The following KCNIP2 variants were observed in gnomAD, a reference collection of about 807,000 sequenced individuals.
The protein encoded by KCNIP2 is A-type potassium channel modulatory protein KCNIP2.
Under a neutral mutation model 39.0 loss-of-function variants are expected in KCNIP2, and 19 were observed. The observed-to-expected ratio is 0.49, with a 90% CI of 0.34 to 0.71. The LOEUF is 0.71. KCNIP2 is among the 30% of genes least tolerant of loss of function. The probability of loss-of-function intolerance (pLI) is 0.01; values close to 1 mark genes in which losing one functional copy is unlikely to be tolerated. For synonymous variants in KCNIP2, 111 were observed against 131.2 expected (o/e 0.85, Z 1.05); for missense variants, 261 against 346.0 (o/e 0.75, Z 1.95).
rs969573421 is a variant in KCNIP2 at position 101,838,894 on chromosome 10, T to C, written c.73+4602A>G. Among the ~76,000 whole-genome samples, 17 of 152,202 alleles carry C rather than the reference T, an allele frequency of 1.1e-4. No individual in the cohort carries two copies. The highest frequency in any genetic ancestry group is 2.9e-4 in the African/African-American group (12 of 41,446). Reference sequence around the variant, plus strand: ...CAGGTACAGAGGAGACGTTGCGTTCTATGGGCCCTGCCCAAGCAGTCATAA... The same window carrying C: ...CAGGTACAGAGGAGACGTTGCGTTCCATGGGCCCTGCCCAAGCAGTCATAA... On this transcript the variant is annotated intron_variant, in intron 1 of 9. Coordinates refer to ENST00000356640, the MANE Select transcript of KCNIP2 (RefSeq NM_173191.3). The surrounding 1 kb of genome is among the most constrained non-coding windows in gnomAD (Gnocchi z 4.0).
At chr10:101,830,310 G>T in intron 2 of KCNIP2, 2 of 963,322 alleles carry the variant, frequency 2.1e-6, no homozygotes, top group Non-Finnish European at 2.8e-6. Context: ...TCTGGAGGAG[G>T]GCAGGCGCCA....
At chr10:101,837,219 C>T (rs942157416) in intron 1 of KCNIP2, among the ~76,000 whole-genome samples, 14 of 152,122 alleles carry the variant, frequency 9.2e-5, no homozygotes, top group African/African-American at 3.4e-4. Flanking sequence ...GAGGTAGGAT[C>T]TATTATTCCT....
intron 4 of KCNIP2, 73 bp downstream of exon 4, chr10:101,829,002 T>A: frequency 6.3e-7 from 1 of 1,576,878 alleles, no homozygotes; most frequent in Non-Finnish European, 8.6e-7. Context: ...AAGCCATGCT[T>A]TCTGGGAAGC....
intron 3 of KCNIP2, 35 bp downstream of exon 3, chr10:101,829,809 T>A: frequency 2.6e-5 from 20 of 768,426 alleles, no homozygotes; most frequent in East Asian, 3.1e-4. Context: ...AAAGCCGCCC[T>A]GCCCCGCCCC....
intron 2 of KCNIP2, 107 bp from the exon 3 acceptor site, chr10:101,830,004 G>C (rs1230431477): frequency 4.6e-6 from 6 of 1,309,520 alleles, no homozygotes; most frequent in Non-Finnish European, 6.4e-6. Flanking sequence ...CCCGTGCAAA[G>C]GCACACCCAA....
chr10:101,841,686 C>T (rs781038967), intron 1 of KCNIP2, among the ~76,000 whole-genome samples: 2 of 152,204 alleles, frequency 1.3e-5, no homozygotes, highest in African/African-American at 4.8e-5. Context: ...AGTCACATAG[C>T]TGGTACACTT....
At chr10:101,831,338 T>C (rs2065985515) in intron 1 of KCNIP2, among the ~76,000 whole-genome samples, 171 bp from the exon 2 acceptor site, 1 of 152,116 alleles carries the variant, frequency 6.6e-6, no homozygotes, top group Non-Finnish European at 1.5e-5. Context: ...GGGAGCCCAG[T>C]GAGTCCATAG....
At chr10:101,836,949 A>G (rs2066180346) in intron 1 of KCNIP2, among the ~76,000 whole-genome samples, 1 of 151,408 alleles carries the variant, frequency 6.6e-6, no homozygotes, top group Non-Finnish European at 1.5e-5. Context: ...CAACAGAGCG[A>G]GACTCTGTCT....
chr10:101,841,477 A>G (rs560640467), intron 1 of KCNIP2, among the ~76,000 whole-genome samples: 1 of 152,316 alleles, frequency 6.6e-6, no homozygotes, highest in South Asian at 2.1e-4. Flanking sequence ...CCGCCCTTCG[A>G]GAGGAGAGCT....
intron 2 of KCNIP2, among the ~76,000 whole-genome samples, chr10:101,830,736 C>G (rs1364254459): frequency 6.7e-6 from 1 of 149,096 alleles, no homozygotes; most frequent in Non-Finnish European, 1.5e-5. Context: ...GCACGCCCCT[C>G]CCCCACACGC....
chr10:101,840,210 GCC>G lies in KCNIP2; in HGVS notation c.73+3284_73+3285del, dbSNP rs2066289012. 2.0e-5 allele frequency among the ~76,000 whole-genome samples: 3 copies of G among 150,846 alleles called. No individual in the cohort carries two copies. The South Asian group carries it at 6.3e-4, about 32-fold the overall frequency. On this transcript the variant is annotated intron_variant, in intron 1 of 9. Coordinates refer to ENST00000356640, the MANE Select transcript of KCNIP2 (RefSeq NM_173191.3). ...CCGTATCTTTTATTGCCCCCTTTCA[GCC>G]CCCCTTTCTCCGCCTGTCGCACTCC...
intron 1 of KCNIP2, among the ~76,000 whole-genome samples, chr10:101,833,341 C>T (rs1589868176): frequency 6.6e-6 from 1 of 152,208 alleles, no homozygotes; most frequent in East Asian, 1.9e-4. Flanking sequence ...GTTGATTTTC[C>T]ACTCCCAATG....
chr10:101,832,296 C>CTGTATG (rs2066017493), intron 1 of KCNIP2, among the ~76,000 whole-genome samples: 1 of 139,976 alleles, frequency 7.1e-6, no homozygotes, highest in Non-Finnish European at 1.5e-5. Flanking sequence ...CTCAGTGTTA[C>CTGTATG]TGTGTGTGTG....
intron 3 of KCNIP2, chr10:101,829,475 GA>G: frequency 2.0e-6 from 1 of 490,658 alleles, no homozygotes; most frequent in East Asian, 3.7e-5. Flanking sequence ...CGTTGGAGGG[GA>G]AGGCCCCCAG....
rs1361552404 is a variant in KCNIP2, at chr10:101,838,005, G to A, written c.73+5491C>T. On this transcript the variant is annotated intron_variant, in intron 1 of 9. Coordinates refer to ENST00000356640, the MANE Select transcript of KCNIP2 (RefSeq NM_173191.3). The surrounding 1 kb of genome is among the most constrained non-coding windows in gnomAD (Gnocchi z 4.0). ...CTCAACTCTCAGAGACCTTGACCCAGCCTTGCCAGGACTCATGGTCCTAAA... is the reference window on the plus strand; with the variant it reads ...CTCAACTCTCAGAGACCTTGACCCAACCTTGCCAGGACTCATGGTCCTAAA... Among the ~76,000 whole-genome samples, 1 of 152,190 alleles carries A rather than the reference G, an allele frequency of 6.6e-6. No individual in the cohort carries two copies. Among genetic ancestry groups the A allele is most frequent in the Non-Finnish European group, 1.5e-5 (1 of 68,032 alleles).
intron 8 of KCNIP2, 24 bp from the exon 9 acceptor site, chr10:101,827,775 G>A: frequency 6.3e-7 from 1 of 1,580,156 alleles, no homozygotes; most frequent in Non-Finnish European, 8.7e-7. Context: ...GTCAGGCAGG[G>A]AGAACAGGAG....
chr10:101,831,396 G>A (rs1313405628), intron 1 of KCNIP2, among the ~76,000 whole-genome samples: 3 of 152,162 alleles, frequency 2.0e-5, no homozygotes, highest in Non-Finnish European at 4.4e-5. Flanking sequence ...CGGTGACAGC[G>A]AGGCGGCAAG....
rs774050751 is a variant in KCNIP2 at position 101,828,789 on chromosome 10, G to A, written c.349-93C>T. The A allele has an allele frequency of 1.2e-6, 2 of 1,607,782 alleles. No individual in the cohort carries two copies. Among genetic ancestry groups the A allele is most frequent in the South Asian group, 1.1e-5 (1 of 90,356 alleles). ...CATGGCCCAAGACTCCCAGGGAGGG[G>A]GATAATCTTCAAGCCTCCAGAGGAC... On this transcript the variant is annotated intron_variant, in intron 4 of 9. Coordinates refer to ENST00000356640, the MANE Select transcript of KCNIP2 (RefSeq NM_173191.3). The surrounding 1 kb of genome is among the most constrained non-coding windows in gnomAD (Gnocchi z 6.6).
chr10:101,832,517 G>A (rs1277295421), intron 1 of KCNIP2, among the ~76,000 whole-genome samples: 1 of 151,984 alleles, frequency 6.6e-6, no homozygotes, highest in African/African-American at 2.4e-5. Flanking sequence ...TCCAGATCAG[G>A]CCCTGTTCTC....
Sources: gnomAD v4.1 joint callset for allele counts (sites outside exome capture counted in the v4.1 genomes callset) on GRCh38, gnomAD v4.1.1 for gene constraint, Gnocchi (gnomAD v3.1) non-coding constraint, MANE v1.5 for transcripts, NCBI Gene and HGNC (gene_info 2026-07-23, HGNC 2026-07-21) for gene names.